CALCRL: variants seen among roughly 807,000 people sequenced by gnomAD.
CALCRL encodes calcitonin receptor like receptor.
A neutral mutation model predicts 60.4 loss-of-function variants in CALCRL; 27 were observed. That is an observed-to-expected ratio of 0.45 (90% CI 0.33 to 0.62). CALCRL has a LOEUF of 0.62. CALCRL is among the 20% of genes least tolerant of loss of function. The pLI is 0.03. For synonymous variants in CALCRL, 190 were observed against 182.6 expected (o/e 1.04, Z -0.33); for missense variants, 424 against 540.7 (o/e 0.78, Z 2.14).
intron 1 of CALCRL, among the ~76,000 whole-genome samples, chr2:187,406,198 A>AAAT (rs33926127): frequency 1.3e-5 from 2 of 151,602 alleles, no homozygotes; most frequent in South Asian, 4.2e-4. Flanking sequence ...AAAAAAAAAA[A>AAAT]CACAAATCTG....
chr2:187,354,199 A>C (rs1686665999), intron 12 of CALCRL, among the ~76,000 whole-genome samples: 1 of 152,028 alleles, frequency 6.6e-6, no homozygotes, highest in African/African-American at 2.4e-5. Context: ...TGACATACTC[A>C]TAAAGTTTAC....
chr2:187,408,399 G>T, intron 1 of CALCRL, among the ~76,000 whole-genome samples: 1 of 152,036 alleles, frequency 6.6e-6, no homozygotes, highest in Middle Eastern at 3.4e-3. Flanking sequence ...ATATATTAAA[G>T]TTTATTTAAA....
intron 1 of CALCRL, among the ~76,000 whole-genome samples, chr2:187,413,032 T>C (rs964736446): frequency 7.2e-5 from 11 of 152,178 alleles, no homozygotes; most frequent in African/African-American, 2.7e-4. Flanking sequence ...AACATAAGCA[T>C]AGTAAGCATT....
At chr2:187,363,563 T>G in intron 8 of CALCRL, 61 bp from the exon 9 acceptor site, 3 of 1,451,106 alleles carry the variant, frequency 2.1e-6, no homozygotes, top group Non-Finnish European at 2.8e-6. Flanking sequence ...TAATCATTAT[T>G]CAAATAAGAT....
intron 10 of CALCRL, 77 bp from the exon 11 acceptor site, chr2:187,359,349 C>CA: frequency 1.9e-6 from 2 of 1,052,274 alleles, no homozygotes; most frequent in Non-Finnish European, 2.7e-6. Context: ...TAATTAAATA[C>CA]AAAAATTCAA....
At chr2:187,369,179 T>C (rs858757) in intron 8 of CALCRL, among the ~76,000 whole-genome samples, 152,064 of 152,206 alleles carry the variant, frequency 1, 75,961 homozygotes, top group Middle Eastern at 1. Context: ...GCATAAGGAA[T>C]AGCCATGTCC....
chr2:187,404,896 GA>G (rs577561892), intron 1 of CALCRL, among the ~76,000 whole-genome samples: 1 of 151,384 alleles, frequency 6.6e-6, no homozygotes, highest in East Asian at 1.9e-4. Context: ...TGTACCAGAG[GA>G]AAAAAAAGAT....
intron 1 of CALCRL, among the ~76,000 whole-genome samples, chr2:187,429,179 AT>A (rs1205315193): frequency 6.6e-6 from 1 of 151,098 alleles, no homozygotes; most frequent in South Asian, 2.1e-4. Flanking sequence ...TTCCCTTTAT[AT>A]TTTTTTTATT....
chr2:187,361,729 T>G (rs950786615), intron 9 of CALCRL, among the ~76,000 whole-genome samples: 2 of 151,960 alleles, frequency 1.3e-5, no homozygotes, highest in Non-Finnish European at 2.9e-5. Context: ...ATATATTTTA[T>G]AGATAAAAAA....
intron 10 of CALCRL, 117 bp downstream of exon 10, chr2:187,360,481 A>G (rs1157779150): frequency 9.5e-6 from 8 of 839,230 alleles, no homozygotes; most frequent in Non-Finnish European, 5.3e-6. Flanking sequence ...AAAGTTAATC[A>G]CCTGATATTC....
chr2:187,444,189 G>A (rs1215042747), intron 1 of CALCRL, among the ~76,000 whole-genome samples: 1 of 151,512 alleles, frequency 6.6e-6, no homozygotes, highest in Non-Finnish European at 1.5e-5. Flanking sequence ...CCTGAATAGA[G>A]AAATAACTAC....
At chr2:187,424,896 T>C (rs539235293) in intron 1 of CALCRL, among the ~76,000 whole-genome samples, 1 of 151,932 alleles carries the variant, frequency 6.6e-6, no homozygotes, top group South Asian at 2.1e-4. Flanking sequence ...GGAGACAAAA[T>C]GGACAACAAA....
At chr2:187,393,383 G>C (rs560734375) in intron 1 of CALCRL, among the ~76,000 whole-genome samples, 1 of 152,218 alleles carries the variant, frequency 6.6e-6, no homozygotes, top group South Asian at 2.1e-4. Context: ...ACTGTTTCTA[G>C]TTACTAGCCA....
chr2:187,364,473 T>G (rs925881517), intron 8 of CALCRL, among the ~76,000 whole-genome samples: 6 of 152,160 alleles, frequency 3.9e-5, no homozygotes, highest in African/African-American at 1.4e-4. Context: ...TGTGTGTGTT[T>G]TTTTTTTAAA....
At chr2:187,395,261 A>G (rs1305158979) in intron 1 of CALCRL, among the ~76,000 whole-genome samples, 4 of 152,092 alleles carry the variant, frequency 2.6e-5, no homozygotes. Flanking sequence ...GTTTATTTGC[A>G]TAAAGTGAAG....
intron 1 of CALCRL, among the ~76,000 whole-genome samples, chr2:187,404,626 G>A (rs1451768341): frequency 6.6e-6 from 1 of 151,026 alleles, no homozygotes; most frequent in Non-Finnish European, 1.5e-5. Flanking sequence ...GTAGTTTACC[G>A]TGTGTGTCTG....
chr2:187,371,971 A>G (rs1266852301), intron 8 of CALCRL, among the ~76,000 whole-genome samples: 2 of 152,116 alleles, frequency 1.3e-5, no homozygotes, highest in African/African-American at 2.4e-5. Flanking sequence ...AGTTAAATTG[A>G]GAATGCTTTG....
chr2:187,383,136 A>G, intron 5 of CALCRL, 37 bp downstream of exon 5: 1 of 1,593,038 alleles, frequency 6.3e-7, no homozygotes, highest in Non-Finnish European at 8.5e-7. Context: ...TTTTAAAAAT[A>G]TGTCAAATGC....
At chr2:187,379,715 T>C (rs1045406156) in intron 7 of CALCRL, among the ~76,000 whole-genome samples, 1 of 152,178 alleles carries the variant, frequency 6.6e-6, no homozygotes, top group African/African-American at 2.4e-5. Context: ...ATGCTAATCT[T>C]TTAAGTATTT....
Sources: allele counts gnomAD v4.1 joint callset (sites outside exome capture counted in the v4.1 genomes callset), GRCh38; gene constraint gnomAD v4.1.1; transcripts MANE v1.5; gene names NCBI Gene and HGNC (gene_info 2026-07-23, HGNC 2026-07-21).